The following RGS6 variants were observed in gnomAD, a reference collection of about 807,000 sequenced individuals.
RGS6 encodes the protein regulator of G-protein signaling 6.
Under a neutral mutation model 78.5 loss-of-function variants are expected in RGS6, and 30 were observed. The ratio of observed to expected loss-of-function variants is 0.38; its 90% CI spans 0.29 to 0.52. The LOEUF is 0.52. Ranked by LOEUF, RGS6 falls within the 20% of genes least tolerant of loss-of-function variation. The pLI is 0.85. For synonymous variants in RGS6, 206 were observed against 206.0 expected (o/e 1.00, Z 0.00); for missense variants, 495 against 609.7 (o/e 0.81, Z 1.98).
chr14:72,228,456 G>A (rs1160697585), intron 2 of RGS6, among the ~76,000 whole-genome samples: 1 of 152,150 alleles, frequency 6.6e-6, no homozygotes, highest in African/African-American at 2.4e-5. Context: ...TCATCATCTT[G>A]TTAGTAGGGA....
intron 2 of RGS6, among the ~76,000 whole-genome samples, chr14:72,250,179 A>G (rs934763190): frequency 6.6e-6 from 1 of 151,750 alleles, no homozygotes; most frequent in Non-Finnish European, 1.5e-5. Flanking sequence ...AGCATGACAC[A>G]TGTATACATA....
intron 3 of RGS6, among the ~76,000 whole-genome samples, chr14:72,451,002 C>G (rs2095479110): frequency 6.6e-6 from 1 of 152,214 alleles, no homozygotes; most frequent in African/African-American, 2.4e-5. Context: ...GGCTTGGCCA[C>G]TCCTGGGTTG....
chr14:72,539,649 G>GCCCCAGGT (rs1305526536), intron 16 of RGS6, among the ~76,000 whole-genome samples: 4 of 152,190 alleles, frequency 2.6e-5, no homozygotes, highest in Non-Finnish European at 5.9e-5. Flanking sequence ...GGGCCCCAGG[G>GCCCCAGGT]CCACAACCAC....
chr14:71,988,045 A>T (rs1243837009), intron 2 of RGS6, among the ~76,000 whole-genome samples: 1 of 151,988 alleles, frequency 6.6e-6, no homozygotes, highest in African/African-American at 2.4e-5. Flanking sequence ...TCTGGTCAGG[A>T]TTTGTGACAT....
chr14:72,491,224 T>C (rs2096573982), intron 12 of RGS6, among the ~76,000 whole-genome samples: 1 of 152,016 alleles, frequency 6.6e-6, no homozygotes, highest in African/African-American at 2.4e-5. Context: ...AAAATATTCA[T>C]ACCTTTTGGT....
chr14:71,995,490 G>A (rs1298064189), intron 2 of RGS6, among the ~76,000 whole-genome samples: 2 of 152,174 alleles, frequency 1.3e-5, no homozygotes, highest in African/African-American at 4.8e-5. Context: ...CAAGCTGTCC[G>A]GTTTATGTCC....
chr14:72,059,665 A>T lies in RGS6; in HGVS notation c.84+94790A>T, dbSNP rs143397704. 2.5e-3 allele frequency among the ~76,000 whole-genome samples: 385 copies of T among 152,240 alleles called. 1 individual carries two copies. The highest frequency in any genetic ancestry group is 3.0e-3 in the Non-Finnish European group (205 of 68,004). On this transcript the variant is annotated intron_variant, in intron 2 of 17. Coordinates refer to ENST00000553525, the MANE Select transcript of RGS6 (RefSeq NM_001204424.2). Reference sequence around the variant, plus strand: ...TGTTGAAGCCCTAACCCCCAGTGTGATGGTATTTGGAGATGAGGCATTTGG... The same window carrying T: ...TGTTGAAGCCCTAACCCCCAGTGTGTTGGTATTTGGAGATGAGGCATTTGG...
intron 2 of RGS6, among the ~76,000 whole-genome samples, chr14:72,009,141 G>A (rs1183736862): frequency 6.6e-6 from 1 of 152,196 alleles, no homozygotes; most frequent in Non-Finnish European, 1.5e-5. Context: ...GGTAGCTTGA[G>A]GCTGGGAGTT....
At chr14:71,999,849 A>G (rs1377921386) in intron 2 of RGS6, among the ~76,000 whole-genome samples, 1 of 139,614 alleles carries the variant, frequency 7.2e-6, no homozygotes, top group Non-Finnish European at 1.5e-5. Flanking sequence ...CCTGCAGTGC[A>G]TGAGCCAATT....
intron 17 of RGS6, chr14:72,541,686 G>A: frequency 4.0e-6 from 6 of 1,493,314 alleles, no homozygotes; most frequent in Non-Finnish European, 4.5e-6. Context: ...GGTGGAGGAT[G>A]GTTAGGGATT....
chr14:72,376,262 G>A lies in RGS6; in HGVS notation c.184+24068G>A, dbSNP rs192215473. Reference sequence around the variant, plus strand: ...CACCAGACTAGACCAAGCAGAATTTGTTCTTACTTGAAGACAGGTATTTTG... The same window carrying A: ...CACCAGACTAGACCAAGCAGAATTTATTCTTACTTGAAGACAGGTATTTTG... On this transcript the variant is annotated intron_variant, in intron 3 of 17. Transcript: ENST00000553525. 4.6e-5 allele frequency among the ~76,000 whole-genome samples: 7 copies of A among 152,196 alleles called. No homozygotes were observed. The East Asian group carries it at 1.3e-3, about 29-fold the overall frequency.
At chr14:72,312,180 G>A (rs551363465) in intron 2 of RGS6, among the ~76,000 whole-genome samples, 1 of 150,526 alleles carries the variant, frequency 6.6e-6, no homozygotes, top group Non-Finnish European at 1.5e-5. Context: ...CGGTATTAAA[G>A]CTTCTACATG....
At chr14:72,404,565 A>G (rs1251078579) in intron 3 of RGS6, among the ~76,000 whole-genome samples, 1 of 152,072 alleles carries the variant, frequency 6.6e-6, no homozygotes, top group African/African-American at 2.4e-5. Flanking sequence ...ATGCTTCAAG[A>G]CTCTCTGTGT....
the RGS6 span, among the ~76,000 whole-genome samples, chr14:71,888,004 G>A: frequency 5.3e-5 from 8 of 152,110 alleles, no homozygotes; most frequent in East Asian, 1.9e-4. Context: ...CGGTCCTACC[G>A]ATATGTGACG....
the RGS6 span, among the ~76,000 whole-genome samples, chr14:72,579,808 C>T: frequency 3.9e-5 from 6 of 152,110 alleles, no homozygotes; most frequent in Non-Finnish European, 7.3e-5. Context: ...AATAAGGTGC[C>T]CACCTGGAGG....
rs1210732216 is a variant in RGS6, at chr14:72,085,558, A to G, written c.84+120683A>G. ...TGGGGCTGTGCTTCATAGCAAGATA[A>G]TAAGCATCAGAAGGGCTGGGTGTGG... On this transcript the variant is annotated intron_variant, in intron 2 of 17. Transcript: ENST00000553525. 2.0e-5 allele frequency among the ~76,000 whole-genome samples: 3 copies of G among 152,272 alleles called. No homozygotes were observed. In the East Asian group the frequency reaches 5.8e-4, roughly 29 times the overall value.
intron 2 of RGS6, among the ~76,000 whole-genome samples, chr14:72,055,580 A>T (rs1026765969): frequency 2.0e-5 from 3 of 152,190 alleles, no homozygotes. Context: ...AACATTTAAA[A>T]AATGCTAATG....
At chr14:72,023,608 A>C (rs1490929484) in intron 2 of RGS6, among the ~76,000 whole-genome samples, 2 of 152,254 alleles carry the variant, frequency 1.3e-5, no homozygotes, top group African/African-American at 4.8e-5. Context: ...AGGCGGGGGA[A>C]GGAAAGCATT....
intron 3 of RGS6, among the ~76,000 whole-genome samples, chr14:72,358,776 A>G (rs1173906196): frequency 6.6e-6 from 1 of 152,194 alleles, no homozygotes; most frequent in Non-Finnish European, 1.5e-5. Context: ...GAATGAATTA[A>G]GATTTTGGGG....
Sources: gnomAD v4.1 joint callset for allele counts (sites outside exome capture counted in the v4.1 genomes callset) on GRCh38, gnomAD v4.1.1 for gene constraint, MANE v1.5 for transcripts, NCBI Gene and HGNC (gene_info 2026-07-23, HGNC 2026-07-21) for gene names.